The following NEGR1 variants were observed in gnomAD, a reference collection of about 807,000 sequenced individuals.
NEGR1 encodes IgLON family member 4.
Under a neutral mutation model 40.9 loss-of-function variants are expected in NEGR1, and 10 were observed. The observed-to-expected ratio is 0.24, with a 90% CI of 0.15 to 0.42. The LOEUF is 0.42. Among genes scored for constraint, NEGR1 ranks in the 10% least tolerant of loss-of-function variants. The pLI is 1.00. For synonymous variants in NEGR1, 185 were observed against 166.8 expected, an observed-to-expected ratio of 1.11 and a Z score of -0.84; for missense variants, 352 against 438.9, an observed-to-expected ratio of 0.80 and a Z score of 1.77.
At chr1:71,760,156 A>G (rs973968609) in intron 3 of NEGR1, among the ~76,000 whole-genome samples, 7 of 152,144 alleles carry the variant, frequency 4.6e-5, no homozygotes, top group Admixed American at 1.3e-4. Flanking sequence ...AAATTCCATA[A>G]GAAAAAAAAT....
At chr1:71,837,467 T>C (rs933641668) in intron 2 of NEGR1, among the ~76,000 whole-genome samples, 3 of 152,066 alleles carry the variant, frequency 2.0e-5, no homozygotes, top group Non-Finnish European at 2.9e-5. Flanking sequence ...CTTTAGACTT[T>C]TTTTGTTGCC....
intron 1 of NEGR1, among the ~76,000 whole-genome samples, chr1:72,036,179 G>A (rs1289069152): frequency 6.6e-6 from 1 of 152,094 alleles, no homozygotes; most frequent in African/African-American, 2.4e-5. Context: ...CAATGCCTTT[G>A]GAAGAGAATT....
At position 71,886,457 on chromosome 1, in the gene NEGR1, G is replaced by GA. The variant is rs1383394683; in HGVS notation, c.409+48621dup. Among the ~76,000 whole-genome samples, 611 of 139,120 alleles carry GA rather than the reference G, an allele frequency of 4.4e-3. 6 individuals are homozygous for GA. Among genetic ancestry groups the GA allele is most frequent in the Admixed American group, 0.026 (351 of 13,686 alleles). 91.3% of individuals were successfully genotyped at this position (139,120 alleles called of 152,430 possible). A position where few individuals can be genotyped will look rare whatever the true frequency, so the allele number is the denominator to read the frequency against. On this transcript the variant is annotated intron_variant, in intron 2 of 6. Coordinates refer to ENST00000357731, the MANE Select transcript of NEGR1 (RefSeq NM_173808.3). Reference sequence around the variant, plus strand: ...ACCAGTGTGTTCTTAGTTTATGGGGGAAAAAAAAAAAAACAAAGGAAGGAA... The same window carrying GA: ...ACCAGTGTGTTCTTAGTTTATGGGGGAAAAAAAAAAAAAACAAAGGAAGGAA...
At chr1:72,091,729 C>G (rs907268103) in intron 1 of NEGR1, among the ~76,000 whole-genome samples, 1 of 152,028 alleles carries the variant, frequency 6.6e-6, no homozygotes, top group Non-Finnish European at 1.5e-5. Context: ...GATCTGTTTG[C>G]GTTGCCACAA....
intron 1 of NEGR1, among the ~76,000 whole-genome samples, chr1:71,962,980 A>G (rs1646178759): frequency 6.6e-6 from 1 of 151,126 alleles, no homozygotes; most frequent in South Asian, 2.1e-4. Context: ...AGAAATACTC[A>G]CTCTTTGTTC....
intron 1 of NEGR1, among the ~76,000 whole-genome samples, chr1:72,165,943 G>A (rs374360881): frequency 9.9e-5 from 15 of 152,062 alleles, no homozygotes; most frequent in Non-Finnish European, 1.8e-4. Context: ...GTCTGTCTTA[G>A]AACTCTTTGG....
At chr1:72,056,706 C>T (rs1647113701) in intron 1 of NEGR1, among the ~76,000 whole-genome samples, 1 of 151,380 alleles carries the variant, frequency 6.6e-6, no homozygotes, top group African/African-American at 2.4e-5. Flanking sequence ...AGTACAGTAG[C>T]CAGTAATTCA....
chr1:71,942,457 A>ATATC (rs1645969039), intron 1 of NEGR1, among the ~76,000 whole-genome samples: 1 of 5,534 alleles, frequency 1.8e-4, no homozygotes, highest in Non-Finnish European at 4.3e-4. Context: ...CTTTAAATCT[A>ATATC]TATATATATA....
chr1:71,662,214 A>G lies in NEGR1; in HGVS notation c.667+35794T>C, dbSNP rs902282472. 2.6e-5 allele frequency among the ~76,000 whole-genome samples: 4 copies of G among 152,234 alleles called. 1 individual carries two copies. The highest frequency in any genetic ancestry group is 7.2e-5 in the African/African-American group (3 of 41,462). On this transcript the variant is annotated intron_variant, in intron 4 of 6. Coordinates refer to ENST00000357731, the MANE Select transcript of NEGR1 (RefSeq NM_173808.3). ...AAGCCTCAGTTTTCCTCATTAGTAA[A>G]TGGAAATAACATCACAGACTATCTC...
In NEGR1 at chr1:71,670,652, C is replaced by T. The variant is rs531008928; in HGVS notation, c.667+27356G>A. 4.2e-4 allele frequency among the ~76,000 whole-genome samples: 64 copies of T among 152,108 alleles called. No individual in the cohort carries two copies. In the South Asian group the frequency reaches 0.011, roughly 27 times the overall value. ...CTGCCTTCCTGGCTCAAGTGATCCTCGAGTCATGAACATGGTTGTGTGCCA... is the reference window on the plus strand; with the variant it reads ...CTGCCTTCCTGGCTCAAGTGATCCTTGAGTCATGAACATGGTTGTGTGCCA... On this transcript the variant is annotated intron_variant, in intron 4 of 6. Coordinates refer to ENST00000357731, the MANE Select transcript of NEGR1 (RefSeq NM_173808.3).
rs564367807 is a variant in NEGR1 at position 72,120,256 on chromosome 1, T to C, written c.176+162063A>G. Among the ~76,000 whole-genome samples the C allele has an allele frequency of 2.0e-5, 3 of 152,148 alleles. No homozygotes were observed. The East Asian group carries it at 5.8e-4, about 29-fold the overall frequency. Reference sequence around the variant, plus strand: ...ATGTTTTCCTCAAATCCAAAAATTATTTGACTGCATTGTAAAAAGGAGAGG... The same window carrying C: ...ATGTTTTCCTCAAATCCAAAAATTACTTGACTGCATTGTAAAAAGGAGAGG... On this transcript the variant is annotated intron_variant, in intron 1 of 6. Coordinates refer to ENST00000357731, the MANE Select transcript of NEGR1 (RefSeq NM_173808.3).
At chr1:71,881,367 C>G (rs758532173) in intron 2 of NEGR1, among the ~76,000 whole-genome samples, 8 of 151,980 alleles carry the variant, frequency 5.3e-5, no homozygotes, top group Non-Finnish European at 8.8e-5. Context: ...GTAACATCAC[C>G]AAACCTTTTG....
At chr1:72,254,797 T>C (rs987248326) in intron 1 of NEGR1, among the ~76,000 whole-genome samples, 4 of 152,142 alleles carry the variant, frequency 2.6e-5, no homozygotes, top group Non-Finnish European at 4.4e-5. Context: ...TGCTTTTCTT[T>C]CCATATACTT....
intron 3 of NEGR1, among the ~76,000 whole-genome samples, chr1:71,771,370 C>T (rs912422802): frequency 5.3e-5 from 8 of 151,976 alleles, no homozygotes; most frequent in African/African-American, 9.7e-5. Context: ...ATGGGTGCAG[C>T]AAACCACCAT....
At chr1:72,067,709 T>C (rs1647310230) in intron 1 of NEGR1, among the ~76,000 whole-genome samples, 1 of 151,888 alleles carries the variant, frequency 6.6e-6, no homozygotes, top group Non-Finnish European at 1.5e-5. Flanking sequence ...AGATTTAACA[T>C]ACTGGGGGAA....
At chr1:71,804,758 T>C (rs1350398753) in intron 2 of NEGR1, among the ~76,000 whole-genome samples, 2 of 152,172 alleles carry the variant, frequency 1.3e-5, no homozygotes, top group Non-Finnish European at 2.9e-5. Context: ...TTGCATTAAC[T>C]GCACAAATTG....
chr1:72,280,064 G>C (rs1351265276), intron 1 of NEGR1, among the ~76,000 whole-genome samples: 1 of 152,144 alleles, frequency 6.6e-6, no homozygotes, highest in Non-Finnish European at 1.5e-5. Context: ...TTCTCTTTAA[G>C]AAGTTTGAAA....
intron 2 of NEGR1, among the ~76,000 whole-genome samples, chr1:71,868,628 C>T (rs1660191007): frequency 6.6e-6 from 1 of 152,090 alleles, no homozygotes; most frequent in African/African-American, 2.4e-5. Context: ...GGAAAATGCA[C>T]TTTCTGTTAC....
chr1:71,850,346 G>T (rs577053844), intron 2 of NEGR1, among the ~76,000 whole-genome samples: 2 of 151,968 alleles, frequency 1.3e-5, no homozygotes, highest in Admixed American at 6.6e-5. Context: ...GTTAGAGATG[G>T]TGTTTTGCTA....
Sources: gnomAD v4.1 joint callset for allele counts (sites outside exome capture counted in the v4.1 genomes callset) on GRCh38, gnomAD v4.1.1 for gene constraint, MANE v1.5 for transcripts, NCBI Gene and HGNC (gene_info 2026-07-23, HGNC 2026-07-21) for gene names.